SMARCA2: variants seen among roughly 807,000 people sequenced by gnomAD.
SMARCA2 encodes the protein SWI/SNF related BAF chromatin remodeling complex subunit ATPase 2.
Under a neutral mutation model 199.8 loss-of-function variants are expected in SMARCA2, and 61 were observed. That is an observed-to-expected ratio of 0.31 (90% CI 0.25 to 0.38). The LOEUF is 0.38. SMARCA2 is among the 10% of genes least tolerant of loss of function. SMARCA2 has a pLI of 1.00. For synonymous variants in SMARCA2, 935 were observed against 732.0 expected, an observed-to-expected ratio of 1.28 and a Z score of -4.48; for missense variants, 1,344 against 2,012.2, an observed-to-expected ratio of 0.67 and a Z score of 6.35.
intron 27 of SMARCA2, among the ~76,000 whole-genome samples, chr9:2,148,597 C>T (rs980188242): frequency 1.1e-4 from 16 of 151,300 alleles, no homozygotes; most frequent in African/African-American, 2.7e-4. Flanking sequence ...CCCATTAACT[C>T]GTCATTTAGC....
Position 2,101,559 on chromosome 9 carries a change from C to T in SMARCA2, c.3079-11C>T. 1 of 1,435,374 alleles carries T rather than the reference C, an allele frequency of 7.0e-7. No individual in the cohort carries two copies. 88.9% of individuals were successfully genotyped at this position (1,435,374 alleles called of 1,614,324 possible). A position where few individuals can be genotyped will look rare whatever the true frequency, so the allele number is the denominator to read the frequency against. ...TTTTAAAATCATTCTTTCTATCTCTCTCTTTTAAAGGAATCCTTTGCTGAA... is the reference window on the plus strand; with the variant it reads ...TTTTAAAATCATTCTTTCTATCTCTTTCTTTTAAAGGAATCCTTTGCTGAA... On this transcript the variant is annotated splice_polypyrimidine_tract_variant and intron_variant, in intron 21 of 33. Transcript: ENST00000349721.
chr9:2,065,227 C>T (rs1256266676), intron 9 of SMARCA2, among the ~76,000 whole-genome samples: 2 of 152,148 alleles, frequency 1.3e-5, no homozygotes, highest in African/African-American at 4.8e-5. Flanking sequence ...GTTTCCAGAG[C>T]CGTTGACATC....
At chr9:2,158,476 A>G (rs1201658393) in intron 27 of SMARCA2, 1 of 154,306 alleles carries the variant, frequency 6.5e-6, no homozygotes, top group Non-Finnish European at 1.4e-5. Flanking sequence ...ATCTAGAGGC[A>G]GTTGAGCATG....
chr9:2,083,158 A>G (rs558095054), intron 15 of SMARCA2, among the ~76,000 whole-genome samples, 189 bp from the exon 16 acceptor site: 1 of 152,156 alleles, frequency 6.6e-6, no homozygotes, highest in East Asian at 1.9e-4. Context: ...CAAACTTGTC[A>G]TGTTTTGTGA....
At chr9:2,118,090 G>T (rs774186590) in intron 25 of SMARCA2, among the ~76,000 whole-genome samples, 1 of 152,172 alleles carries the variant, frequency 6.6e-6, no homozygotes, top group Non-Finnish European at 1.5e-5. Context: ...GCATGGGGTT[G>T]TCTGAGCCCC....
chr9:2,138,897 T>C (rs963241446), intron 27 of SMARCA2, among the ~76,000 whole-genome samples: 1 of 151,698 alleles, frequency 6.6e-6, no homozygotes. Context: ...CTCAGAGGGG[T>C]GTGGGTGAGA....
chr9:2,136,893 C>A (rs1002594402), intron 27 of SMARCA2, among the ~76,000 whole-genome samples: 7 of 152,188 alleles, frequency 4.6e-5, no homozygotes, highest in African/African-American at 1.4e-4. Flanking sequence ...ATTTTAGTGT[C>A]ATTCCTCTGG....
At chr9:2,078,303 C>G (rs1176537677) in intron 14 of SMARCA2, among the ~76,000 whole-genome samples, 1 of 152,050 alleles carries the variant, frequency 6.6e-6, no homozygotes, top group Non-Finnish European at 1.5e-5. Flanking sequence ...GAAACCCTCT[C>G]TCTACTAAAA....
intron 3 of SMARCA2, among the ~76,000 whole-genome samples, chr9:2,034,669 CT>C (rs1342914948): frequency 6.6e-6 from 1 of 152,194 alleles, no homozygotes; most frequent in Non-Finnish European, 1.5e-5. Flanking sequence ...AGACTTTTGG[CT>C]GTGAGGATTT....
chr9:2,015,878 C>T (rs971737281), intron 1 of SMARCA2: 1 of 151,972 alleles, frequency 6.6e-6, no homozygotes. Flanking sequence ...GGGGGGTGGC[C>T]GCAGGAGGGG....
At chr9:2,102,376 A>T (rs1413674884) in intron 22 of SMARCA2, among the ~76,000 whole-genome samples, 1 of 152,066 alleles carries the variant, frequency 6.6e-6, no homozygotes, top group South Asian at 2.1e-4. Context: ...GCATGGTGAA[A>T]ACACAGCTAT....
chr9:2,105,048 G>T (rs922351247), intron 23 of SMARCA2, among the ~76,000 whole-genome samples: 2 of 152,200 alleles, frequency 1.3e-5, no homozygotes, highest in African/African-American at 2.4e-5. Context: ...TTCATTAAAA[G>T]ACTTTATTTT....
Position 2,184,426 on chromosome 9 carries a change from C to T in SMARCA2, c.4462-1670C>T, listed in dbSNP as rs182969531. On this transcript the variant is annotated intron_variant, in intron 31 of 33. Transcript: ENST00000349721. ...GGAATGCAGTGGTGCCATCTCGGCT[C>T]GCTGCAAACTCTGCCTCCTGGGTTC... is the stretch of plus-strand genomic sequence containing the variant. Among the ~76,000 whole-genome samples, 985 of 148,394 alleles carry T rather than the reference C, an allele frequency of 6.6e-3. 18 individuals are homozygous for T. The highest frequency in any genetic ancestry group is 0.023 in the African/African-American group (939 of 40,096).
intron 27 of SMARCA2, among the ~76,000 whole-genome samples, chr9:2,151,535 C>T (rs1303532340): frequency 4.6e-5 from 7 of 151,852 alleles, no homozygotes; most frequent in African/African-American, 1.7e-4. Flanking sequence ...AATTTGAGAC[C>T]AGCCTGGTCA....
Position 2,039,798 on chromosome 9 carries a change from CAG to C in SMARCA2, c.689_690del (p.Gln230ProfsTer28). 1.9e-6 allele frequency: 3 copies of C among 1,604,752 alleles called. No homozygotes were observed. The highest frequency in any genetic ancestry group is 1.7e-5 in the Admixed American group (1 of 59,398). ...QQQQQQQQQQ[Q>X]QQQQQQQQPQ... The stretch of plus-strand genomic sequence containing the variant: ...GCAACAGCAGCAGCAGCAGCAGCAG[CAG>C]CAGCAGCAGCAGCAGCAACAGCAGC... On this transcript the variant is annotated frameshift_variant, in exon 4 of 34. Coordinates refer to ENST00000349721, the MANE Select transcript of SMARCA2 (RefSeq NM_003070.5). LOFTEE classifies it high-confidence loss of function. This position sits in a 1 kb window ranked among gnomAD's most constrained non-coding sequence, Gnocchi z 4.8.
Position 2,123,981 on chromosome 9 carries a change from T to C in SMARCA2, c.3981+44T>C. Reference sequence around the variant, plus strand: ...ACCCGCTCTCACTAGGTGGAGGGTTTTTGGTGGCTTGGAGAAACCAGGGGC... The same window carrying C: ...ACCCGCTCTCACTAGGTGGAGGGTTCTTGGTGGCTTGGAGAAACCAGGGGC... On this transcript the variant is annotated intron_variant, in intron 27 of 33. Coordinates refer to ENST00000349721, the MANE Select transcript of SMARCA2 (RefSeq NM_003070.5). This position sits in a 1 kb window ranked among gnomAD's most constrained non-coding sequence, Gnocchi z 4.1. The C allele has an allele frequency of 6.7e-7, 1 of 1,499,476 alleles. No homozygotes were observed. Among genetic ancestry groups the C allele is most frequent in the Non-Finnish European group, 9.1e-7 (1 of 1,101,296 alleles). 92.9% of individuals were successfully genotyped at this position (1,499,476 alleles called of 1,614,324 possible).
At chr9:2,019,746 A>G (rs1220976220) in intron 1 of SMARCA2, among the ~76,000 whole-genome samples, 1 of 152,002 alleles carries the variant, frequency 6.6e-6, no homozygotes, top group Admixed American at 6.5e-5. Context: ...ATTATTATGT[A>G]TTACAGCAAG....
rs376510836 is a variant in SMARCA2 at position 2,060,845 on chromosome 9, G to A, written c.1551G>A (p.Leu517=). The A allele has an allele frequency of 9.9e-6, 16 of 1,613,876 alleles. No homozygotes were observed. Among genetic ancestry groups the A allele is most frequent in the Non-Finnish European group, 1.0e-5 (12 of 1,179,934 alleles). ...MAEDEEGYRK[L]IDQKKDRRLA... Reference sequence around the variant, plus strand: ...AAGATGAGGAGGGTTATAGAAAACTGATTGATCAAAAGAAAGACAGGCGTT... The same window carrying A: ...AAGATGAGGAGGGTTATAGAAAACTAATTGATCAAAAGAAAGACAGGCGTT... Residue 517 remains leucine, a synonymous_variant, in exon 9 of 34, where the codon CTG becomes CTA. Coordinates refer to ENST00000349721, the MANE Select transcript of SMARCA2 (RefSeq NM_003070.5).
At chr9:2,106,768 T>A (rs566453330) in intron 23 of SMARCA2, among the ~76,000 whole-genome samples, 38 of 152,318 alleles carry the variant, frequency 2.5e-4, no homozygotes, top group Non-Finnish European at 3.8e-4. Context: ...CTCCATATAG[T>A]TTTTGTTTTT....
Sources: gnomAD v4.1 joint callset for allele counts (sites outside exome capture counted in the v4.1 genomes callset) on GRCh38, gnomAD v4.1.1 for gene constraint, Gnocchi (gnomAD v3.1) non-coding constraint, MANE v1.5 for transcripts, NCBI Gene and HGNC (gene_info 2026-07-23, HGNC 2026-07-21) for gene names.